The following SYCP1 variants were observed in gnomAD, a reference collection of about 807,000 sequenced individuals.
The protein encoded by SYCP1 is cancer/testis antigen 8.
Under a neutral mutation model 153.1 loss-of-function variants are expected in SYCP1, and 64 were observed. The ratio of observed to expected loss-of-function variants is 0.42; its 90% CI spans 0.34 to 0.51. SYCP1 has a LOEUF of 0.51. Among genes scored for constraint, SYCP1 ranks in the 20% least tolerant of loss-of-function variants. SYCP1 has a pLI of 0.06. For synonymous variants in SYCP1, 384 were observed against 341.8 expected (o/e 1.12, Z -1.36); for missense variants, 997 against 1,049.0 (o/e 0.95, Z 0.68).
At chr1:114,931,456 A>G (rs1327792683) in intron 23 of SYCP1, among the ~76,000 whole-genome samples, 1 of 152,134 alleles carries the variant, frequency 6.6e-6, no homozygotes, top group African/African-American at 2.4e-5. Context: ...TAATTGAAAA[A>G]TTAATTTTAA....
intron 16 of SYCP1, among the ~76,000 whole-genome samples, chr1:114,901,441 T>G (rs1044353855): frequency 1.3e-5 from 2 of 152,126 alleles, no homozygotes; most frequent in Admixed American, 6.6e-5. Context: ...CTTTCAAACT[T>G]TACTAAAGGC....
At chr1:114,865,839 G>A (rs1664708262) in intron 8 of SYCP1, among the ~76,000 whole-genome samples, 1 of 152,118 alleles carries the variant, frequency 6.6e-6, no homozygotes, top group South Asian at 2.1e-4. Flanking sequence ...TCTGCCTATT[G>A]ATTCTCTACA....
chr1:114,934,593 C>T (rs1053328785), intron 23 of SYCP1, among the ~76,000 whole-genome samples: 1 of 152,084 alleles, frequency 6.6e-6, no homozygotes, highest in African/African-American at 2.4e-5. Context: ...CTAAATACTC[C>T]AATTAAAAGA....
chr1:114,871,878 G>A (rs527605505), intron 8 of SYCP1, among the ~76,000 whole-genome samples: 10 of 152,234 alleles, frequency 6.6e-5, no homozygotes, highest in African/African-American at 1.4e-4. Flanking sequence ...GAGCCACTGC[G>A]CCTGGCCCAT....
chr1:114,887,334 G>A lies in SYCP1; in HGVS notation c.1191-292G>A, dbSNP rs566975005. Among the ~76,000 whole-genome samples the A allele has an allele frequency of 9.2e-5, 14 of 151,946 alleles. No individual in the cohort carries two copies. In the South Asian group the frequency reaches 2.9e-3, roughly 31 times the overall value. On this transcript the variant is annotated intron_variant, in intron 14 of 31. Coordinates refer to ENST00000369522, the MANE Select transcript of SYCP1 (RefSeq NM_003176.4). ...TACTCAATTTCTTTCAGAGTTCTAG[G>A]ATGCGTTAATCTGATTATCATCAAC...
intron 16 of SYCP1, among the ~76,000 whole-genome samples, chr1:114,904,202 C>T (rs1415433918): frequency 6.6e-6 from 1 of 151,684 alleles, no homozygotes; most frequent in Non-Finnish European, 1.5e-5. Context: ...CTGCAAGCTC[C>T]ACCTCCCAGA....
chr1:114,955,203 CTTGG>C (rs1270910403), intron 27 of SYCP1, among the ~76,000 whole-genome samples: 2 of 151,698 alleles, frequency 1.3e-5, no homozygotes, highest in Non-Finnish European at 2.9e-5. Flanking sequence ...GGTGGATTAC[CTTGG>C]TTGATTTTTT....
chr1:114,856,932 A>AC (rs1557746890), intron 3 of SYCP1, among the ~76,000 whole-genome samples: 1 of 146,770 alleles, frequency 6.8e-6, no homozygotes, highest in African/African-American at 2.5e-5. Context: ...AAAAAAAAAA[A>AC]AAAAAAAAAA....
chr1:114,942,527 T>C (rs775907882), intron 23 of SYCP1, among the ~76,000 whole-genome samples: 3 of 151,850 alleles, frequency 2.0e-5, no homozygotes, highest in Admixed American at 6.6e-5. Context: ...GTCAAGTCAA[T>C]TGAATAAAAG....
intron 23 of SYCP1, among the ~76,000 whole-genome samples, chr1:114,930,332 A>C (rs1167853216): frequency 6.6e-6 from 1 of 152,008 alleles, no homozygotes; most frequent in African/African-American, 2.4e-5. Context: ...AATAAGACAT[A>C]TCAAATAAAT....
At chr1:114,872,518 AT>A (rs1381995891) in intron 8 of SYCP1, among the ~76,000 whole-genome samples, 1 of 152,024 alleles carries the variant, frequency 6.6e-6, no homozygotes, top group Admixed American at 6.6e-5. Context: ...TGTCTTTGGC[AT>A]TTATCCTGCT....
rs542141954 is a variant in SYCP1 at position 114,858,830 on chromosome 1, G to T, written c.456+119G>T. On this transcript the variant is annotated intron_variant, in intron 6 of 31. Transcript: ENST00000369522. ...CTTGTTTTTGTGATGAATATTTTAAGGATAATGCTTTTTAAAAGTTACATC... is the reference window on the plus strand; with the variant it reads ...CTTGTTTTTGTGATGAATATTTTAATGATAATGCTTTTTAAAAGTTACATC... 5.6e-6 allele frequency: 5 copies of T among 893,768 alleles called. No individual in the cohort carries two copies. The Admixed American group carries it at 1.2e-4, about 22-fold the overall frequency. The allele number at this position is 893,768 out of a possible 1,614,324, so 55.4% of individuals were successfully genotyped here.
intron 27 of SYCP1, among the ~76,000 whole-genome samples, chr1:114,950,754 CTG>C (rs1447111775): frequency 6.6e-6 from 1 of 151,664 alleles, no homozygotes; most frequent in East Asian, 1.9e-4. Context: ...AATCTATAGA[CTG>C]ATTATCTAGC....
At chr1:114,856,968 C>G in intron 3 of SYCP1, among the ~76,000 whole-genome samples, 1 of 145,406 alleles carries the variant, frequency 6.9e-6, no homozygotes, top group Non-Finnish European at 1.5e-5. Flanking sequence ...CCCCACCACC[C>G]CCAAAACTAG....
At chr1:114,909,536 G>A (rs759558145) in intron 16 of SYCP1, among the ~76,000 whole-genome samples, 117 of 102,618 alleles carry the variant, frequency 1.1e-3, no homozygotes, top group Non-Finnish European at 1.8e-3. Flanking sequence ...ACACACACAC[G>A]TTTATATGTA....
At chr1:114,864,181 T>C (rs1664572173) in intron 8 of SYCP1, among the ~76,000 whole-genome samples, 1 of 151,878 alleles carries the variant, frequency 6.6e-6, no homozygotes, top group Non-Finnish European at 1.5e-5. Context: ...TACAGATCAT[T>C]AATGAATAAA....
At chr1:114,857,164 A>AAAAT in intron 3 of SYCP1, 68 bp from the exon 4 acceptor site, 1 of 1,152,596 alleles carries the variant, frequency 8.7e-7, no homozygotes, top group Non-Finnish European at 1.2e-6. Flanking sequence ...AAAAGAGAAA[A>AAAAT]AAGAAAAAAA....
intron 27 of SYCP1, among the ~76,000 whole-genome samples, chr1:114,948,494 G>A (rs1346616698): frequency 6.6e-6 from 1 of 152,126 alleles, no homozygotes; most frequent in African/African-American, 2.4e-5. Flanking sequence ...AAGCCTCTGA[G>A]AATTTGTTTA....
intron 25 of SYCP1, 40 bp from the exon 26 acceptor site, chr1:114,946,249 A>G (rs771456714): frequency 9.6e-7 from 1 of 1,038,792 alleles, no homozygotes; most frequent in Admixed American, 2.7e-5. Context: ...TAATCTATTC[A>G]GTTTTAATAT....
Sources: allele counts gnomAD v4.1 joint callset (sites outside exome capture counted in the v4.1 genomes callset), GRCh38; gene constraint gnomAD v4.1.1; transcripts MANE v1.5; gene names NCBI Gene and HGNC (gene_info 2026-07-23, HGNC 2026-07-21).